Variants in SPAG16 observed in about 807,000 individuals in gnomAD.
The protein encoded by SPAG16 is sperm-associated antigen 16 protein.
Under a neutral mutation model 80.4 loss-of-function variants are expected in SPAG16, and 86 were observed. That is an observed-to-expected ratio of 1.07 (90% CI 0.90 to 1.28). The LOEUF (loss-of-function observed/expected upper bound fraction) is 1.28, where lower values mean the gene tolerates loss of function less well. Ranked by LOEUF, SPAG16 falls within the 50% of genes most tolerant of loss-of-function variation. SPAG16 has a pLI of 0.00. For missense variants in SPAG16, 870 were observed against 765.3 expected (o/e 1.14, Z -1.61); for synonymous variants, 294 against 265.9 (o/e 1.11, Z -1.03).
At chr2:214,198,506 T>C (rs1312189867) in intron 15 of SPAG16, among the ~76,000 whole-genome samples, 1 of 152,138 alleles carries the variant, frequency 6.6e-6, no homozygotes, top group Admixed American at 6.6e-5. Context: ...TGTTGGTTGG[T>C]AGACACTTAG....
intron 10 of SPAG16, among the ~76,000 whole-genome samples, chr2:213,724,774 C>A (rs2125404729): frequency 4.4e-5 from 2 of 45,824 alleles, no homozygotes; most frequent in East Asian, 8.3e-4. Flanking sequence ...GAGACTCTGT[C>A]TCAAAAAAAA....
At chr2:213,662,765 A>T (rs1441944313) in intron 10 of SPAG16, among the ~76,000 whole-genome samples, 2 of 152,132 alleles carry the variant, frequency 1.3e-5, no homozygotes, top group African/African-American at 4.8e-5. Context: ...AGTTAACAAA[A>T]TATAATAAAT....
chr2:213,853,448 C>A (rs1001351076), intron 10 of SPAG16, among the ~76,000 whole-genome samples: 2 of 151,936 alleles, frequency 1.3e-5, no homozygotes, highest in African/African-American at 2.4e-5. Flanking sequence ...CTATTATAAA[C>A]GAAAAAAATC....
intron 15 of SPAG16, among the ~76,000 whole-genome samples, chr2:214,168,885 C>CT (rs2056770061): frequency 6.6e-6 from 1 of 152,130 alleles, no homozygotes; most frequent in Admixed American, 6.6e-5. Flanking sequence ...TGGTGGGAAA[C>CT]TGTGACAAGG....
intron 12 of SPAG16, among the ~76,000 whole-genome samples, chr2:213,952,052 C>A (rs2079811979): frequency 6.6e-6 from 1 of 152,066 alleles, no homozygotes. Flanking sequence ...TACTTATGGA[C>A]AATCACTGAG....
intron 10 of SPAG16, among the ~76,000 whole-genome samples, chr2:213,515,569 T>C (rs1349363289): frequency 6.6e-6 from 1 of 152,214 alleles, no homozygotes; most frequent in Non-Finnish European, 1.5e-5. Context: ...TTCCTTTTTT[T>C]CCATTTCCTT....
intron 13 of SPAG16, among the ~76,000 whole-genome samples, chr2:214,101,593 C>T (rs13424490): frequency 0.32 from 49,166 of 151,824 alleles, 8,220 homozygotes; most frequent in African/African-American, 0.34. Context: ...TTAGGAGGTG[C>T]GTATCTACCC....
chr2:213,433,484 A>G (rs2125494901), intron 9 of SPAG16, among the ~76,000 whole-genome samples: 1 of 152,342 alleles, frequency 6.6e-6, no homozygotes, highest in African/African-American at 2.4e-5. Flanking sequence ...GAAATCAAGA[A>G]TGTAATCTCA....
At chr2:213,350,980 A>AC (rs1332966203) in intron 7 of SPAG16, among the ~76,000 whole-genome samples, 1 of 150,766 alleles carries the variant, frequency 6.6e-6, no homozygotes, top group Admixed American at 6.6e-5. Flanking sequence ...AAAAAAAAAA[A>AC]AACAAAAAAC....
rs189188886 is a variant in SPAG16, at chr2:213,597,560, A to C, written c.1070+107470A>C. 3.4e-3 allele frequency among the ~76,000 whole-genome samples: 522 copies of C among 152,288 alleles called. 3 individuals are homozygous for C. Among genetic ancestry groups the C allele is most frequent in the Non-Finnish European group, 5.5e-3 (377 of 68,006 alleles). Reference sequence around the variant, plus strand: ...TTACTGAAACAAGATTTTAATTCAAAACTTCATCTTGCTATATTATAATTT... The same window carrying C: ...TTACTGAAACAAGATTTTAATTCAACACTTCATCTTGCTATATTATAATTT... On this transcript the variant is annotated intron_variant, in intron 10 of 15. Coordinates refer to ENST00000331683, the MANE Select transcript of SPAG16 (RefSeq NM_024532.5).
intron 5 of SPAG16, among the ~76,000 whole-genome samples, chr2:213,319,343 G>A (rs1038132329): frequency 2.0e-5 from 3 of 151,848 alleles, no homozygotes; most frequent in African/African-American, 7.2e-5. Flanking sequence ...TAAATAATTT[G>A]TATGATATCA....
chr2:213,735,565 T>C (rs2067245150), intron 10 of SPAG16, among the ~76,000 whole-genome samples: 1 of 152,122 alleles, frequency 6.6e-6, no homozygotes, highest in African/African-American at 2.4e-5. Flanking sequence ...CAGCCATTAG[T>C]CAAGACAAGA....
At chr2:213,337,731 A>T (rs1192423014) in intron 5 of SPAG16, among the ~76,000 whole-genome samples, 1 of 152,132 alleles carries the variant, frequency 6.6e-6, no homozygotes, top group Non-Finnish European at 1.5e-5. Context: ...TATGTTAAAA[A>T]ACCAAACCTA....
chr2:214,274,647 T>C (rs1692308432), intron 15 of SPAG16, among the ~76,000 whole-genome samples: 1 of 152,162 alleles, frequency 6.6e-6, no homozygotes. Flanking sequence ...GGGATGAAGC[T>C]CACTTGATTG....
chr2:213,308,803 C>A (rs577787357), intron 3 of SPAG16, among the ~76,000 whole-genome samples: 5 of 152,196 alleles, frequency 3.3e-5, no homozygotes, highest in African/African-American at 1.2e-4. Context: ...GACATTTAAT[C>A]TATAATTGAA....
intron 13 of SPAG16, among the ~76,000 whole-genome samples, chr2:214,068,381 T>A (rs537723995): frequency 6.6e-6 from 1 of 152,234 alleles, no homozygotes; most frequent in South Asian, 2.1e-4. Flanking sequence ...ATAAAAGGCA[T>A]ATTTTAACTG....
At chr2:213,883,000 G>A (rs997556296) in intron 11 of SPAG16, among the ~76,000 whole-genome samples, 1 of 151,970 alleles carries the variant, frequency 6.6e-6, no homozygotes. Flanking sequence ...CGAGTAGCTG[G>A]GACTACAGGC....
At chr2:213,407,623 GAGAGAGAGAGAGAGAGAC>G (rs1216031119) in intron 9 of SPAG16, among the ~76,000 whole-genome samples, 13 of 133,570 alleles carry the variant, frequency 9.7e-5, no homozygotes, top group Middle Eastern at 4.0e-3. Flanking sequence ...GAGAGAGAGA[GAGAGAGAGAGAGAGAGAC>G]AGACAGACAG....
chr2:214,021,376 G>A (rs1398728023), intron 13 of SPAG16, among the ~76,000 whole-genome samples: 1 of 152,176 alleles, frequency 6.6e-6, no homozygotes, highest in East Asian at 1.9e-4. Context: ...GGCTGAGGAG[G>A]CCTCACAATC....
Sources: gnomAD v4.1 joint callset for allele counts (sites outside exome capture counted in the v4.1 genomes callset) on GRCh38, gnomAD v4.1.1 for gene constraint, MANE v1.5 for transcripts, NCBI Gene and HGNC (gene_info 2026-07-23, HGNC 2026-07-21) for gene names.